SLC17A6: variants seen among roughly 807,000 people sequenced by gnomAD.
SLC17A6 encodes the protein solute carrier family 17 member 6, also known as vesicular glutamate transporter 2.
A neutral mutation model predicts 67.1 loss-of-function variants in SLC17A6; 35 were observed. The ratio of observed to expected loss-of-function variants is 0.52; its 90% confidence interval spans 0.40 to 0.69. SLC17A6 has a LOEUF of 0.69. SLC17A6 is among the 30% of genes least tolerant of loss of function. The pLI, the probability that SLC17A6 is intolerant of heterozygous loss-of-function variation, is 0.00. For synonymous variants in SLC17A6, 285 were observed against 252.3 expected, an observed-to-expected ratio of 1.13 and a Z score of -1.23; for missense variants, 588 against 723.9, an observed-to-expected ratio of 0.81 and a Z score of 2.15.
chr11:22,343,574 C>A (rs1031503646), intron 3 of SLC17A6, among the ~76,000 whole-genome samples: 6 of 152,284 alleles, frequency 3.9e-5, no homozygotes, highest in African/African-American at 1.4e-4. Flanking sequence ...TCTCTGGGAC[C>A]AGCGCACGCG....
At chr11:22,349,117 C>A (rs996314842) in intron 3 of SLC17A6, among the ~76,000 whole-genome samples, 1 of 152,140 alleles carries the variant, frequency 6.6e-6, no homozygotes, top group East Asian at 1.9e-4. Context: ...TCTCTACTTA[C>A]CTATCCATTG....
rs1855900355 is a variant in SLC17A6 at position 22,348,233 on chromosome 11, T to A, written c.458+4868T>A. Among the ~76,000 whole-genome samples, 4 of 152,052 alleles carry A rather than the reference T, an allele frequency of 2.6e-5. 1 individual carries two copies. The highest frequency in any genetic ancestry group is 2.6e-4 in the Admixed American group (4 of 15,280). On this transcript the variant is annotated intron_variant, in intron 3 of 11. Transcript: ENST00000263160. ...TGATACTATATGCTTCATTGCAAAG[T>A]TTGCTTTCAGCAGTAGGCTGAGCCA...
intron 3 of SLC17A6, among the ~76,000 whole-genome samples, chr11:22,345,871 T>TTATTCA (rs1855870144): frequency 6.6e-6 from 1 of 152,204 alleles, no homozygotes; most frequent in Non-Finnish European, 1.5e-5. Context: ...GATACCCCTA[T>TTATTCA]TATTAACATG....
At chr11:22,375,501 A>G (rs1590396072) in intron 9 of SLC17A6, among the ~76,000 whole-genome samples, 1 of 151,864 alleles carries the variant, frequency 6.6e-6, no homozygotes, top group Admixed American at 6.6e-5. Flanking sequence ...TGTTTTTGAG[A>G]TGGAGTTTCA....
At chr11:22,362,869 A>T in intron 6 of SLC17A6, 44 bp downstream of exon 6, 2 of 1,460,806 alleles carry the variant, frequency 1.4e-6, no homozygotes, top group Non-Finnish European at 1.9e-6. Flanking sequence ...AAATGTGCAT[A>T]GGCTAAAAGA....
Position 22,360,936 on chromosome 11 carries a change from TG to T in SLC17A6, c.616del (p.Ala206ProfsTer4). 6.2e-7 allele frequency: 1 copy of T among 1,613,986 alleles called. No homozygotes were observed. The highest frequency in any genetic ancestry group is 8.5e-7 in the Non-Finnish European group (1 of 1,179,908). Reference sequence around the variant, plus strand: ...AGCATGTCATGGGATATGGAGCAAATGGGCCCCACCTCTAGAGAGGAGTAGA... The same window carrying T: ...AGCATGTCATGGGATATGGAGCAAATGGCCCCACCTCTAGAGAGGAGTAGA... ...YPACHGIWSK[W>X]APPLERSRLA... On this transcript the variant is annotated frameshift_variant, in exon 5 of 12. Transcript: ENST00000263160. LOFTEE classifies it high-confidence loss of function.
chr11:22,371,276 A>G (rs760418534), intron 8 of SLC17A6, among the ~76,000 whole-genome samples: 1 of 152,070 alleles, frequency 6.6e-6, no homozygotes, highest in Admixed American at 6.6e-5. Flanking sequence ...ATGTCATTAC[A>G]TAAGTCCAGC....
At chr11:22,342,932 G>A (rs911261274) in intron 2 of SLC17A6, 2 of 493,212 alleles carry the variant, frequency 4.1e-6, no homozygotes, top group African/African-American at 1.9e-5. Flanking sequence ...TCTCTTCATG[G>A]GGAGTCCGAA....
intron 3 of SLC17A6, among the ~76,000 whole-genome samples, chr11:22,346,896 G>A (rs769376998): frequency 6.7e-6 from 1 of 150,120 alleles, no homozygotes; most frequent in Non-Finnish European, 1.5e-5. Context: ...TAGAAGGTCA[G>A]ATACAGCAAA....
Position 22,370,166 on chromosome 11 carries a change from T to C in SLC17A6, c.1019T>C (p.Val340Ala). 1 of 1,607,216 alleles carries C rather than the reference T, an allele frequency of 6.2e-7. No individual in the cohort carries two copies. The highest frequency in any genetic ancestry group is 8.5e-7 in the Non-Finnish European group (1 of 1,177,754). ...LISQPAYFEE[V>A]FGFEISKVGM... ...AGTCAGCCAGCATATTTTGAGGAAG[T>C]CTTTGGATTTGAAATTAGCAAGGTA... The change falls in exon 8 of 12, where the codon GTC (valine) becomes GCC (alanine). Residue 340 changes from valine to alanine, a missense_variant. By Grantham distance (64) the Val-to-Ala change is moderately conservative (BLOSUM62 0). Coordinates refer to ENST00000263160, the MANE Select transcript of SLC17A6 (RefSeq NM_020346.3).
At chr11:22,352,284 G>C (rs1434097113) in intron 3 of SLC17A6, among the ~76,000 whole-genome samples, 1 of 152,184 alleles carries the variant, frequency 6.6e-6, no homozygotes, top group African/African-American at 2.4e-5. Context: ...ACTATCTCAA[G>C]TGAGGATTTA....
intron 3 of SLC17A6, among the ~76,000 whole-genome samples, chr11:22,355,859 G>A (rs936544494): frequency 2.0e-5 from 3 of 152,146 alleles, no homozygotes; most frequent in African/African-American, 7.2e-5. Flanking sequence ...AAAGGTTTGT[G>A]ACTTGGTCAA....
In SLC17A6 at chr11:22,339,217, G is replaced by A. The variant is rs914207188; in HGVS notation, c.86+598G>A. Among the ~76,000 whole-genome samples the A allele has an allele frequency of 2.8e-5, 4 of 145,188 alleles. No individual in the cohort carries two copies. The Admixed American group carries it at 2.8e-4, about 10-fold the overall frequency. Reference sequence around the variant, plus strand: ...TATATATATATATGTTAGAGAGAGAGAGAAAGAGAGAGGTCTCAGCTTCAA... The same window carrying A: ...TATATATATATATGTTAGAGAGAGAAAGAAAGAGAGAGGTCTCAGCTTCAA... On this transcript the variant is annotated intron_variant, in intron 1 of 11. Coordinates refer to ENST00000263160, the MANE Select transcript of SLC17A6 (RefSeq NM_020346.3).
At chr11:22,365,851 C>T (rs909312419) in intron 7 of SLC17A6, among the ~76,000 whole-genome samples, 162 bp downstream of exon 7, 6 of 152,246 alleles carry the variant, frequency 3.9e-5, no homozygotes, top group Middle Eastern at 3.4e-3. Context: ...GGAATAATAG[C>T]TATTTCCTCC....
chr11:22,342,866 T>C (rs1314057832), intron 2 of SLC17A6: 1 of 447,732 alleles, frequency 2.2e-6, no homozygotes, highest in Non-Finnish European at 4.4e-6. Flanking sequence ...TGTGTCTGCA[T>C]TGGCCGGATT....
chr11:22,348,135 T>A (rs1855898828), intron 3 of SLC17A6, among the ~76,000 whole-genome samples: 1 of 152,154 alleles, frequency 6.6e-6, no homozygotes, highest in South Asian at 2.1e-4. Context: ...ACAAAGGGAT[T>A]GTGACTAGAA....
At chr11:22,352,120 G>C (rs1453410082) in intron 3 of SLC17A6, among the ~76,000 whole-genome samples, 1 of 145,074 alleles carries the variant, frequency 6.9e-6, no homozygotes, top group Non-Finnish European at 1.5e-5. Flanking sequence ...TTTGAAAGCA[G>C]AGCTTCAGAG....
chr11:22,344,774 C>G (rs575744699), intron 3 of SLC17A6, among the ~76,000 whole-genome samples: 26 of 152,230 alleles, frequency 1.7e-4, no homozygotes, highest in Non-Finnish European at 3.2e-4. Flanking sequence ...TGTGGTAAAT[C>G]AAACAAAACA....
At chr11:22,355,026 T>C (rs10500923) in intron 3 of SLC17A6, among the ~76,000 whole-genome samples, 1 of 152,204 alleles carries the variant, frequency 6.6e-6, no homozygotes, top group Non-Finnish European at 1.5e-5. Flanking sequence ...CACATTAGTA[T>C]TATTATCATG....
Sources: allele counts gnomAD v4.1 joint callset (sites outside exome capture counted in the v4.1 genomes callset), GRCh38; gene constraint gnomAD v4.1.1; transcripts MANE v1.5; gene names NCBI Gene and HGNC (gene_info 2026-07-23, HGNC 2026-07-21).